The following ABCB1 variants were observed in gnomAD, a reference collection of about 807,000 sequenced individuals.
ABCB1 encodes ATP-dependent translocase ABCB1.
Under a neutral mutation model 142.0 loss-of-function variants are expected in ABCB1, and 69 were observed. The observed-to-expected ratio is 0.49, with a 90% CI of 0.40 to 0.59. The LOEUF (loss-of-function observed/expected upper bound fraction) is 0.59. Ranked by LOEUF, ABCB1 falls within the 20% of genes least tolerant of loss-of-function variation. The pLI is 0.00. For missense variants in ABCB1, 1,326 were observed against 1,554.7 expected (o/e 0.85, Z 2.47); for synonymous variants, 532 against 539.2 (o/e 0.99, Z 0.18).
chr7:87,640,632 A>T (rs1822350649), intron 1 of ABCB1, among the ~76,000 whole-genome samples: 1 of 152,192 alleles, frequency 6.6e-6, no homozygotes, highest in Non-Finnish European at 1.5e-5. Context: ...GGCATGAGCC[A>T]CCACGTGTGT....
In ABCB1 at chr7:87,699,870, G is replaced by T. The variant is rs539015253; in HGVS notation, c.-331+13291C>A. Among the ~76,000 whole-genome samples, 90 of 152,264 alleles carry T rather than the reference G, an allele frequency of 5.9e-4. 1 individual carries two copies. Among genetic ancestry groups the T allele is most frequent in the African/African-American group, 2.1e-3 (89 of 41,544 alleles). On this transcript the variant is annotated intron_variant, in intron 1 of 28. Transcript: ENST00000265724. Reference sequence around the variant, plus strand: ...GGGAGCTTTATAGATGAGAATGGTTGGGTAGGTGGTTATGCATTATTAGTG... The same window carrying T: ...GGGAGCTTTATAGATGAGAATGGTTTGGTAGGTGGTTATGCATTATTAGTG...
At chr7:87,693,041 G>C (rs1828155961) in intron 1 of ABCB1, among the ~76,000 whole-genome samples, 1 of 152,168 alleles carries the variant, frequency 6.6e-6, no homozygotes, top group African/African-American at 2.4e-5. Flanking sequence ...AAGGATCTAA[G>C]TGTTTGGAAA....
intron 8 of ABCB1, among the ~76,000 whole-genome samples, chr7:87,555,882 C>T (rs913306150): frequency 6.6e-6 from 1 of 152,120 alleles, no homozygotes; most frequent in Non-Finnish European, 1.5e-5. Context: ...TTTCAGTTCT[C>T]GCTTACCAAG....
intron 5 of ABCB1, 101 bp from the exon 6 acceptor site, chr7:87,567,077 C>A: frequency 9.3e-7 from 1 of 1,078,450 alleles, no homozygotes; most frequent in Non-Finnish European, 1.4e-6. Flanking sequence ...ATCTGGGTAT[C>A]TCGCCATCCT....
intron 18 of ABCB1, among the ~76,000 whole-genome samples, chr7:87,540,741 C>T (rs1259327034): frequency 2.0e-5 from 3 of 152,318 alleles, no homozygotes; most frequent in South Asian, 4.1e-4. Context: ...TAAGCCACCA[C>T]ACCTGGCCCT....
chr7:87,683,842 T>TA (rs1489503411), intron 1 of ABCB1, among the ~76,000 whole-genome samples: 1 of 152,060 alleles, frequency 6.6e-6, no homozygotes, highest in African/African-American at 2.4e-5. Context: ...CTTCAACGTG[T>TA]AAAAAATACA....
intron 1 of ABCB1, among the ~76,000 whole-genome samples, chr7:87,680,273 T>C (rs1304216240): frequency 2.0e-5 from 3 of 150,632 alleles, no homozygotes; most frequent in Non-Finnish European, 4.4e-5. Flanking sequence ...ATCCAGTCTA[T>C]CATTGATAGA....
chr7:87,650,539 C>G (rs1823472894), intron 1 of ABCB1, among the ~76,000 whole-genome samples: 1 of 152,032 alleles, frequency 6.6e-6, no homozygotes. Context: ...CCCAAAGGCA[C>G]CCACCCTTAA....
chr7:87,653,510 G>C (rs964675003), intron 1 of ABCB1, among the ~76,000 whole-genome samples: 3 of 151,940 alleles, frequency 2.0e-5, no homozygotes, highest in Non-Finnish European at 4.4e-5. Context: ...TCTAACAGGG[G>C]GACATATAGT....
intron 3 of ABCB1, among the ~76,000 whole-genome samples, chr7:87,589,849 G>GGAGAGAGAGA (rs142847127): frequency 2.8e-5 from 3 of 108,498 alleles, no homozygotes; most frequent in African/African-American, 1.5e-4. Flanking sequence ...AGAGAGGGAG[G>GGAGAGAGAGA]GAGAGAGAGA....
rs28381877 is a variant in ABCB1 at position 87,554,547 on chromosome 7, A to G, written c.828-615T>C. Among the ~76,000 whole-genome samples, 4,867 of 152,330 alleles carry G rather than the reference A, an allele frequency of 0.032. 88 individuals carry two copies. The highest frequency in any genetic ancestry group is 0.038 in the Non-Finnish European group (2,608 of 68,034). On this transcript the variant is annotated intron_variant, in intron 8 of 27. Transcript: ENST00000622132. ...ATTTATCTTACTTCCGTAGACATTT[A>G]TTTTAAAAATCACTGACCTACAAAA...
At position 87,550,575 on chromosome 7, in the gene ABCB1, G is replaced by C. The variant is rs143333791; in HGVS notation, c.1117C>G (p.Pro373Ala). The C allele has an allele frequency of 5.6e-6, 9 of 1,612,796 alleles. No individual in the cohort carries two copies. In the African/African-American group the frequency reaches 1.2e-4, roughly 22 times the overall value. ...YEIFKIIDNK[P>A]SIDSYSKSGH... The stretch of plus-strand genomic sequence containing the variant: ...CTCTTCGAATAGCTGTCAATACTTG[G>C]CTTCTAAACAGAATCAAATTTTAAG... Residue 373 changes from proline (P) to alanine (A), a missense_variant, in exon 11 of 28, where the codon CCA (proline) becomes GCA (alanine). Pro to Ala is a conservative substitution (Grantham distance 27). Transcript: ENST00000622132.
chr7:87,618,727 G>A (rs1376530311), intron 1 of ABCB1, among the ~76,000 whole-genome samples: 1 of 152,146 alleles, frequency 6.6e-6, no homozygotes, highest in African/African-American at 2.4e-5. Context: ...CCTTGAGATA[G>A]GGAGATTATC....
chr7:87,547,368 T>C (rs1376934188), intron 14 of ABCB1, among the ~76,000 whole-genome samples: 1 of 152,224 alleles, frequency 6.6e-6, no homozygotes, highest in Non-Finnish European at 1.5e-5. Context: ...TTTTAAAATA[T>C]AACCTTTTAA....
chr7:87,647,814 G>T (rs1217744363), intron 1 of ABCB1, among the ~76,000 whole-genome samples: 1 of 152,144 alleles, frequency 6.6e-6, no homozygotes, highest in Non-Finnish European at 1.5e-5. Context: ...TCTAGGATTT[G>T]TCCCTATGCA....
intron 13 of ABCB1, 74 bp from the exon 14 acceptor site, chr7:87,549,592 T>A: frequency 1.2e-6 from 2 of 1,604,158 alleles, no homozygotes; most frequent in Non-Finnish European, 1.7e-6. Flanking sequence ...TGGTAAGGAA[T>A]CCTATACACA....
intron 1 of ABCB1, chr7:87,713,065 A>G (rs1338460064): frequency 6.6e-6 from 1 of 152,144 alleles, no homozygotes; most frequent in Admixed American, 6.6e-5. Context: ...TCTTAATTCT[A>G]ATTAAATTTG....
At chr7:87,671,216 C>A (rs1825794279) in intron 1 of ABCB1, among the ~76,000 whole-genome samples, 1 of 152,154 alleles carries the variant, frequency 6.6e-6, no homozygotes, top group Non-Finnish European at 1.5e-5. Context: ...GCCTCCTCTC[C>A]TTGGGCTGAT....
chr7:87,627,169 A>G (rs1017690363), intron 1 of ABCB1, among the ~76,000 whole-genome samples: 1 of 152,182 alleles, frequency 6.6e-6, no homozygotes, highest in African/African-American at 2.4e-5. Flanking sequence ...AGAGATTTTT[A>G]AACTTTAAAA....
Sources: gnomAD v4.1 joint callset for allele counts (sites outside exome capture counted in the v4.1 genomes callset) on GRCh38, gnomAD v4.1.1 for gene constraint, MANE v1.5 for transcripts, NCBI Gene and HGNC (gene_info 2026-07-23, HGNC 2026-07-21) for gene names.